Variants in CAPN5 observed in about 807,000 individuals in gnomAD.
CAPN5 encodes the protein calpain-5.
CAPN5 carries 54 observed loss-of-function variants against 73.0 expected under a neutral mutation model. The observed-to-expected ratio is 0.74, with a 90% CI of 0.59 to 0.93. The LOEUF is 0.93. Among genes scored for constraint, CAPN5 ranks in the 40% least tolerant of loss-of-function variants. The pLI is 0.00. For synonymous variants in CAPN5, 335 were observed against 356.9 expected, an observed-to-expected ratio of 0.94 and a Z score of 0.69; for missense variants, 785 against 882.9, an observed-to-expected ratio of 0.89 and a Z score of 1.41.
chr11:77,094,304 A>C (rs1292411259), intron 3 of CAPN5, among the ~76,000 whole-genome samples: 2 of 152,096 alleles, frequency 1.3e-5, no homozygotes, highest in African/African-American at 4.8e-5. Flanking sequence ...GGTGTTCTGG[A>C]CCAGGGCCAA....
At chr11:77,095,107 C>T (rs147593721) in intron 3 of CAPN5, among the ~76,000 whole-genome samples, 1,588 of 152,314 alleles carry the variant, frequency 0.01, 10 homozygotes, top group Middle Eastern at 0.02. Context: ...GGGGCCTTGG[C>T]AGAGGCCATG....
chr11:77,078,499 A>G (rs1949996454), intron 1 of CAPN5, among the ~76,000 whole-genome samples: 1 of 152,078 alleles, frequency 6.6e-6, no homozygotes. Context: ...AGGTAGTGTG[A>G]TCCCTCCAGC....
At chr11:77,084,787 C>A (rs782735439) in intron 1 of CAPN5, 65 bp from the exon 2 acceptor site, 3 of 1,440,262 alleles carry the variant, frequency 2.1e-6, no homozygotes, top group Non-Finnish European at 2.9e-6. Flanking sequence ...ATGATGTCCG[C>A]TTCACAGGGC....
At chr11:77,088,125 C>T in intron 2 of CAPN5, 1 of 1,470,262 alleles carries the variant, frequency 6.8e-7, no homozygotes, top group Middle Eastern at 2.2e-4. Context: ...GTCTCTCCCA[C>T]ATCTGGGTAT....
At chr11:77,121,034 G>A in intron 10 of CAPN5, 125 bp downstream of exon 10, 1 of 820,456 alleles carries the variant, frequency 1.2e-6, no homozygotes, top group Non-Finnish European at 1.9e-6. Context: ...GCTGATACCA[G>A]TGCCCATCTC....
intron 2 of CAPN5, among the ~76,000 whole-genome samples, chr11:77,085,850 C>T (rs1274877377): frequency 1.3e-5 from 2 of 152,156 alleles, no homozygotes; most frequent in African/African-American, 4.8e-5. Context: ...GGTTACTCTC[C>T]CTGGCCTCCA....
At chr11:77,107,697 G>A (rs76991226) in intron 3 of CAPN5, among the ~76,000 whole-genome samples, 27,748 of 152,118 alleles carry the variant, frequency 0.18, 2,768 homozygotes, top group South Asian at 0.32. Flanking sequence ...GGCCGTTGGT[G>A]GATCACATCC....
intron 8 of CAPN5, 88 bp from the exon 9 acceptor site, chr11:77,118,942 C>T (rs1950495126): frequency 6.9e-7 from 1 of 1,459,318 alleles, no homozygotes; most frequent in African/African-American, 1.4e-5. Flanking sequence ...GGTCCAGGCT[C>T]TGGAGTCTGA....
At chr11:77,102,943 G>A (rs574685944) in intron 3 of CAPN5, 38 of 1,613,114 alleles carry the variant, frequency 2.4e-5, no homozygotes, top group Non-Finnish European at 3.0e-5. Context: ...CTGAAGCAGC[G>A]CGGGGAGAAG....
At chr11:77,075,032 T>C (rs1949953537) in intron 1 of CAPN5, among the ~76,000 whole-genome samples, 1 of 152,192 alleles carries the variant, frequency 6.6e-6, no homozygotes, top group Admixed American at 6.5e-5. Flanking sequence ...CCGTTTCCCA[T>C]GTGGCAGCCA....
intron 1 of CAPN5, chr11:77,073,197 C>T: frequency 9.8e-7 from 1 of 1,015,772 alleles, no homozygotes; most frequent in Admixed American, 2.3e-5. Flanking sequence ...GTGGTTCTTT[C>T]AGTGTTAAAA....
chr11:77,090,257 C>T (rs1447406024), intron 2 of CAPN5, among the ~76,000 whole-genome samples: 1 of 152,180 alleles, frequency 6.6e-6, no homozygotes, highest in African/African-American at 2.4e-5. Context: ...TGCCTGGCTG[C>T]CTTCCGCTCT....
intron 3 of CAPN5, among the ~76,000 whole-genome samples, chr11:77,108,330 G>A (rs1033466859): frequency 1.1e-4 from 17 of 152,176 alleles, no homozygotes; most frequent in African/African-American, 3.6e-4. Context: ...CTGTTGGGGG[G>A]GTGCTCAGCA....
chr11:77,081,030 TGGCCACAGGAGGAGG>T (rs1215109979), intron 1 of CAPN5, among the ~76,000 whole-genome samples: 4 of 152,212 alleles, frequency 2.6e-5, no homozygotes, highest in African/African-American at 9.6e-5. Context: ...ACCGCTGCCC[TGGCCACAGGAGGAGG>T]AGGGCTGATA....
chr11:77,079,815 CTGTG>C (rs1218608723), intron 1 of CAPN5, among the ~76,000 whole-genome samples: 1 of 95,892 alleles, frequency 1.0e-5, no homozygotes, highest in African/African-American at 3.8e-5. Flanking sequence ...GTGTGTGTGT[CTGTG>C]TGTGTGTTTC....
intron 3 of CAPN5, chr11:77,102,775 C>G: frequency 6.9e-7 from 1 of 1,456,868 alleles, no homozygotes; most frequent in South Asian, 1.4e-5. Context: ...GTGGCCTCTT[C>G]TCTCCACGGC....
At chr11:77,071,490 C>T (rs1949906201) in intron 1 of CAPN5, 4 of 376,632 alleles carry the variant, frequency 1.1e-5, no homozygotes, top group Middle Eastern at 9.2e-4. Context: ...GGGGGTGGGG[C>T]TGGGGAGTCC....
intron 3 of CAPN5, among the ~76,000 whole-genome samples, chr11:77,097,335 T>G (rs1363655055): frequency 6.6e-6 from 1 of 152,166 alleles, no homozygotes; most frequent in Non-Finnish European, 1.5e-5. Flanking sequence ...GAGCACCAGC[T>G]ATGCCCTGAG....
chr11:77,093,519 C>T (rs1950173491), intron 2 of CAPN5, among the ~76,000 whole-genome samples, 163 bp from the exon 3 acceptor site: 1 of 152,150 alleles, frequency 6.6e-6, no homozygotes, highest in African/African-American at 2.4e-5. Flanking sequence ...AGCAGATGGG[C>T]CCTATGGGGC....
Sources: gnomAD v4.1 joint callset for allele counts (sites outside exome capture counted in the v4.1 genomes callset) on GRCh38, gnomAD v4.1.1 for gene constraint, MANE v1.5 for transcripts, NCBI Gene and HGNC (gene_info 2026-07-23, HGNC 2026-07-21) for gene names.